Variants in EFNA5 observed in about 807,000 individuals in gnomAD.
EFNA5 encodes ephrin-A5.
A neutral mutation model predicts 22.9 loss-of-function variants in EFNA5; 5 were observed. The observed-to-expected ratio is 0.22, with a 90% confidence interval of 0.11 to 0.46. The LOEUF (loss-of-function observed/expected upper bound fraction) is 0.46, where lower values mean the gene tolerates loss of function less well. EFNA5 is among the 20% of genes least tolerant of loss of function. The pLI, the probability that EFNA5 is intolerant of heterozygous loss-of-function variation, is 0.99. For synonymous variants in EFNA5, 113 were observed against 112.2 expected, an observed-to-expected ratio of 1.01 and a Z score of -0.04; for missense variants, 237 against 293.3, an observed-to-expected ratio of 0.81 and a Z score of 1.40.
chr5:107,476,596 G>A (rs1419075251), intron 1 of EFNA5, among the ~76,000 whole-genome samples: 1 of 152,098 alleles, frequency 6.6e-6, no homozygotes, highest in African/African-American at 2.4e-5. Context: ...GACAGAATTT[G>A]GGGAGAAACA....
intron 2 of EFNA5, among the ~76,000 whole-genome samples, chr5:107,410,104 T>A (rs866716647): frequency 6.8e-6 from 1 of 146,876 alleles, no homozygotes; most frequent in African/African-American, 2.5e-5. Context: ...TCTCGGTTCA[T>A]GCAAGCTCCG....
At chr5:107,425,994 T>G (rs1748801082) in intron 2 of EFNA5, among the ~76,000 whole-genome samples, 1 of 152,160 alleles carries the variant, frequency 6.6e-6, no homozygotes, top group African/African-American at 2.4e-5. Context: ...CATTTCCTGA[T>G]TCTTCCAAGC....
rs960719973 is a variant in EFNA5, at chr5:107,486,515, G to T, written c.126-59006C>A. ...CTGAGGCTATAAAAGATAAAAGAAA[G>T]ACATCAGTTTATAGAGTTCACCCAT... On this transcript the variant is annotated intron_variant, in intron 1 of 4. Transcript: ENST00000333274. Among the ~76,000 whole-genome samples the T allele has an allele frequency of 2.0e-5, 3 of 152,186 alleles. No homozygotes were observed. The East Asian group carries it at 5.8e-4, about 29-fold the overall frequency.
chr5:107,491,921 G>A (rs1398279859), intron 1 of EFNA5, among the ~76,000 whole-genome samples: 2 of 152,034 alleles, frequency 1.3e-5, no homozygotes, highest in Non-Finnish European at 2.9e-5. Context: ...TGCAACCTCC[G>A]CCTCCAGGGA....
At chr5:107,432,097 C>A (rs1748978317) in intron 1 of EFNA5, among the ~76,000 whole-genome samples, 2 of 152,192 alleles carry the variant, frequency 1.3e-5, no homozygotes, top group African/African-American at 4.8e-5. Flanking sequence ...AACAAGGTGT[C>A]CCAGCCCTAC....
intron 1 of EFNA5, among the ~76,000 whole-genome samples, chr5:107,611,406 T>C (rs2112520991): frequency 6.6e-6 from 1 of 152,332 alleles, no homozygotes. Flanking sequence ...CACAAAAACC[T>C]ATGTTTGTAA....
At chr5:107,587,086 T>C (rs1409737612) in intron 1 of EFNA5, among the ~76,000 whole-genome samples, 1 of 152,170 alleles carries the variant, frequency 6.6e-6, no homozygotes, top group Non-Finnish European at 1.5e-5. Context: ...CTCAGTAAAA[T>C]GTAGAAAGCA....
intron 1 of EFNA5, among the ~76,000 whole-genome samples, chr5:107,540,151 A>G (rs1282731300): frequency 6.6e-6 from 1 of 151,258 alleles, no homozygotes; most frequent in Non-Finnish European, 1.5e-5. Context: ...GAAGAGGGGG[A>G]GGGGGCAAGA....
At chr5:107,539,346 C>A (rs1379091164) in intron 1 of EFNA5, among the ~76,000 whole-genome samples, 1 of 152,234 alleles carries the variant, frequency 6.6e-6, no homozygotes, top group Non-Finnish European at 1.5e-5. Context: ...ATGGAAAATA[C>A]TAGCTGTGGC....
At chr5:107,532,546 G>A (rs909888180) in intron 1 of EFNA5, among the ~76,000 whole-genome samples, 5 of 152,148 alleles carry the variant, frequency 3.3e-5, no homozygotes, top group Admixed American at 6.5e-5. Context: ...CGGCCTCCAC[G>A]GTCCAATGTG....
chr5:107,635,675 A>G (rs1189005153), intron 1 of EFNA5, among the ~76,000 whole-genome samples: 1 of 152,226 alleles, frequency 6.6e-6, no homozygotes, highest in Non-Finnish European at 1.5e-5. Flanking sequence ...AATGGTAATT[A>G]TGATAGATTT....
chr5:107,550,532 C>G (rs539227241), intron 1 of EFNA5, among the ~76,000 whole-genome samples: 2 of 152,242 alleles, frequency 1.3e-5, no homozygotes, highest in South Asian at 4.1e-4. Flanking sequence ...AAGAAAAACA[C>G]ATACTTTGCA....
intron 2 of EFNA5, among the ~76,000 whole-genome samples, chr5:107,401,172 C>A (rs1450825948): frequency 6.6e-6 from 1 of 152,108 alleles, no homozygotes; most frequent in African/African-American, 2.4e-5. Flanking sequence ...ATCCATTAGC[C>A]ATGATAGTAA....
chr5:107,630,573 G>A (rs962463864), intron 1 of EFNA5, among the ~76,000 whole-genome samples: 6 of 152,008 alleles, frequency 3.9e-5, no homozygotes, highest in East Asian at 1.9e-4. Flanking sequence ...AGTTGCTCTC[G>A]GTGAGTCGGT....
At chr5:107,595,664 G>A (rs11955029) in intron 1 of EFNA5, among the ~76,000 whole-genome samples, 24,229 of 152,120 alleles carry the variant, frequency 0.16, 4,945 homozygotes, top group African/African-American at 0.48. Flanking sequence ...CTGCAATGCC[G>A]GGGGTAACAC....
chr5:107,635,040 G>C (rs1302922728), intron 1 of EFNA5, among the ~76,000 whole-genome samples: 1 of 152,152 alleles, frequency 6.6e-6, no homozygotes, highest in Non-Finnish European at 1.5e-5. Context: ...GTCTACATGA[G>C]AGCTAATATT....
intron 1 of EFNA5, among the ~76,000 whole-genome samples, chr5:107,470,856 C>A (rs1750118593): frequency 7.0e-6 from 1 of 141,874 alleles, no homozygotes; most frequent in African/African-American, 2.6e-5. Flanking sequence ...AATAGCAAGA[C>A]CTTATCTCTA....
chr5:107,401,526 T>TA (rs1748084029), intron 2 of EFNA5, among the ~76,000 whole-genome samples: 1 of 152,246 alleles, frequency 6.6e-6, no homozygotes, highest in African/African-American at 2.4e-5. Flanking sequence ...TCCCCTGTGA[T>TA]ACCTTTACAG....
intron 1 of EFNA5, among the ~76,000 whole-genome samples, chr5:107,640,639 C>T (rs935591033): frequency 3.3e-5 from 5 of 152,210 alleles, no homozygotes; most frequent in Non-Finnish European, 7.3e-5. Context: ...GATCATTCAG[C>T]TTCACCAGAG....
Sources: allele counts gnomAD v4.1 joint callset (sites outside exome capture counted in the v4.1 genomes callset), GRCh38; gene constraint gnomAD v4.1.1; transcripts MANE v1.5; gene names NCBI Gene and HGNC (gene_info 2026-07-23, HGNC 2026-07-21).